The following TARP variants were observed in gnomAD, a reference collection of about 807,000 sequenced individuals.
the TARP span, chr7:38,259,998 C>T: frequency 8.5e-6 from 8 of 942,718 alleles, no homozygotes; most frequent in Admixed American, 2.0e-5. Flanking sequence ...ATGGCCCAAA[C>T]CCAGAAAGAA....
chr7:38,265,438 G>A, the TARP span: 10 of 1,611,312 alleles, frequency 6.2e-6, no homozygotes, highest in African/African-American at 1.1e-4. Context: ...TTTGTCCAGT[G>A]ACTTTTCTGG....
chr7:38,270,136 A>G, the TARP span, among the ~76,000 whole-genome samples: 1 of 151,882 alleles, frequency 6.6e-6, no homozygotes. Flanking sequence ...AGAGATTATG[A>G]TGATGATGAT....
the TARP span, among the ~76,000 whole-genome samples, chr7:38,265,025 G>C: frequency 6.6e-6 from 1 of 150,914 alleles, no homozygotes; most frequent in Non-Finnish European, 1.5e-5. Flanking sequence ...CTTTTTGAGC[G>C]TTTACCACGT....
At chr7:38,270,123 A>G in the TARP span, among the ~76,000 whole-genome samples, 1 of 151,920 alleles carries the variant, frequency 6.6e-6, no homozygotes, top group African/African-American at 2.4e-5. Context: ...CTATGGAAAT[A>G]TAAGAGATTA....
At chr7:38,262,280 A>G in the TARP span, 1 of 1,307,716 alleles carries the variant, frequency 7.6e-7, no homozygotes, top group Non-Finnish European at 1.1e-6. Context: ...TTAAATGAAT[A>G]TTTATAAAAC....
the TARP span, among the ~76,000 whole-genome samples, chr7:38,261,688 A>G: frequency 2.0e-5 from 3 of 151,230 alleles, no homozygotes; most frequent in South Asian, 2.1e-4. Flanking sequence ...CCTGGCCAAC[A>G]TGGTGAAACC....
chr7:38,264,689 C>G, the TARP span, among the ~76,000 whole-genome samples: 1 of 151,484 alleles, frequency 6.6e-6, no homozygotes, highest in Non-Finnish European at 1.5e-5. Flanking sequence ...TGCCTTGGAA[C>G]TTACTATACT....
chr7:38,273,125 A>T, the TARP span, among the ~76,000 whole-genome samples: 2 of 151,364 alleles, frequency 1.3e-5, no homozygotes, highest in Non-Finnish European at 2.9e-5. Flanking sequence ...AATGCAGCTT[A>T]TGTTACTTCT....
the TARP span, chr7:38,262,264 G>C: frequency 2.8e-6 from 4 of 1,408,552 alleles, no homozygotes; most frequent in African/African-American, 1.5e-5. Flanking sequence ...GTGTGTGTGT[G>C]TGTAATTAAA....
At chr7:38,267,516 TTCTG>T in the TARP span, among the ~76,000 whole-genome samples, 1 of 151,104 alleles carries the variant, frequency 6.6e-6, no homozygotes. Context: ...TCTTGATAAT[TTCTG>T]TCTGTGTAGC....
chr7:38,265,477 G>A, the TARP span: 6 of 1,611,894 alleles, frequency 3.7e-6, no homozygotes, highest in Non-Finnish European at 5.1e-6. Flanking sequence ...TTTCATGTAT[G>A]TGTCGTTAGT....
chr7:38,259,898 T>C, the TARP span: 125 of 577,670 alleles, frequency 2.2e-4, 5 homozygotes, highest in Admixed American at 3.4e-4. Flanking sequence ...CTATTCCTCA[T>C]TGTTATTACA....
chr7:38,272,783 C>CA, the TARP span, among the ~76,000 whole-genome samples: 1 of 150,616 alleles, frequency 6.6e-6, no homozygotes, highest in East Asian at 1.9e-4. Flanking sequence ...CCTGAAAAAT[C>CA]ACTTCTCAGA....
At chr7:38,268,892 A>C in the TARP span, among the ~76,000 whole-genome samples, 1 of 151,152 alleles carries the variant, frequency 6.6e-6, no homozygotes, top group Admixed American at 6.6e-5. Context: ...TTACATGTGA[A>C]TCCAGAAAAC....
At chr7:38,260,676 C>T in the TARP span, among the ~76,000 whole-genome samples, 7 of 151,722 alleles carry the variant, frequency 4.6e-5, no homozygotes, top group Admixed American at 2.6e-4. Flanking sequence ...ACCACTAGTG[C>T]CTACTCAATG....
At chr7:38,268,112 C>T in the TARP span, among the ~76,000 whole-genome samples, 1 of 151,176 alleles carries the variant, frequency 6.6e-6, no homozygotes. Context: ...TAAAATACTA[C>T]TTTTAAAATG....
the TARP span, among the ~76,000 whole-genome samples, chr7:38,263,100 C>T: frequency 6.6e-6 from 1 of 151,626 alleles, no homozygotes; most frequent in Admixed American, 6.6e-5. Flanking sequence ...AGCAAGTACC[C>T]ATGATTTTCT....
chr7:38,266,312 T>C, the TARP span, among the ~76,000 whole-genome samples: 7 of 149,012 alleles, frequency 4.7e-5, no homozygotes, highest in Non-Finnish European at 9.0e-5. Context: ...ATGTCAAAAT[T>C]TTTGTTGTTG....
chr7:38,263,455 A>G, the TARP span, among the ~76,000 whole-genome samples: 1 of 151,808 alleles, frequency 6.6e-6, no homozygotes, highest in East Asian at 1.9e-4. Context: ...GAGGCAATAT[A>G]ATGTCACCAT....
Sources: gnomAD v4.1 joint callset for allele counts (sites outside exome capture counted in the v4.1 genomes callset) on GRCh38, gnomAD v4.1.1 for gene constraint, MANE v1.5 for transcripts.